HDAC9: variants seen among roughly 807,000 people sequenced by gnomAD.
The protein encoded by HDAC9 is histone deacetylase 9, also known as MEF-2 interacting transcription repressor (MITR) protein.
HDAC9 carries 41 observed loss-of-function variants against 139.4 expected under a neutral mutation model. The ratio of observed to expected loss-of-function variants is 0.29; its 90% CI spans 0.23 to 0.38. The LOEUF is 0.38. Among genes scored for constraint, HDAC9 ranks in the 10% least tolerant of loss-of-function variants. The pLI, the probability that HDAC9 is intolerant of heterozygous loss-of-function variation, is 1.00. For synonymous variants in HDAC9, 517 were observed against 476.2 expected, an observed-to-expected ratio of 1.09 and a Z score of -1.12; for missense variants, 1,147 against 1,297.0, an observed-to-expected ratio of 0.88 and a Z score of 1.78.
intron 15 of HDAC9, among the ~76,000 whole-genome samples, chr7:18,765,845 AT>A (rs1165277315): frequency 6.6e-6 from 1 of 152,130 alleles, no homozygotes; most frequent in African/African-American, 2.4e-5. Flanking sequence ...CAGTTTTAAT[AT>A]TATTTTATGA....
chr7:18,613,795 A>G (rs1384526983), intron 6 of HDAC9, among the ~76,000 whole-genome samples: 6 of 152,036 alleles, frequency 3.9e-5, no homozygotes, highest in Non-Finnish European at 8.8e-5. Context: ...GGGACTCCCA[A>G]ATCCTGAAAT....
intron 1 of HDAC9, among the ~76,000 whole-genome samples, chr7:18,401,419 C>T (rs1184174798): frequency 6.6e-6 from 1 of 152,108 alleles, no homozygotes; most frequent in South Asian, 2.1e-4. Context: ...GTTGGGGTGG[C>T]CATATTCTGC....
intron 24 of HDAC9, among the ~76,000 whole-genome samples, chr7:18,968,722 G>A (rs1784046967): frequency 6.6e-6 from 1 of 152,066 alleles, no homozygotes; most frequent in Non-Finnish European, 1.5e-5. Context: ...CACTTTGGGA[G>A]GCCGAGGCGG....
At position 18,468,434 on chromosome 7, in the gene HDAC9, A is replaced by AT. The variant is rs957861798; in HGVS notation, c.-41-27816dup. Reference sequence around the variant, plus strand: ...ATAGCTTTAACCATTGGAAGGTGTAATTTTTTTTTTTTAAGAGAGGGGTCC... The same window carrying AT: ...ATAGCTTTAACCATTGGAAGGTGTAATTTTTTTTTTTTTAAGAGAGGGGTCC... On this transcript the variant is annotated intron_variant, in intron 1 of 3. Transcript: ENST00000413509. Among the ~76,000 whole-genome samples the AT allele has an allele frequency of 1.1e-3, 168 of 146,778 alleles. 1 individual carries two copies. In the East Asian group the frequency reaches 0.014, roughly 12 times the overall value.
intron 1 of HDAC9, among the ~76,000 whole-genome samples, chr7:18,467,650 A>C (rs1031102922): frequency 3.3e-5 from 5 of 152,316 alleles, no homozygotes; most frequent in African/African-American, 1.2e-4. Context: ...CCAAGATATT[A>C]CAGTCCCCAT....
At chr7:18,786,469 T>TTC (rs1791736750) in intron 16 of HDAC9, among the ~76,000 whole-genome samples, 1 of 16,236 alleles carries the variant, frequency 6.2e-5, no homozygotes, top group African/African-American at 1.2e-4. Context: ...TTCCTTCCTT[T>TTC]CGTCCTTCCT....
chr7:18,563,481 T>G (rs572041418), intron 2 of HDAC9, among the ~76,000 whole-genome samples: 5 of 152,310 alleles, frequency 3.3e-5, no homozygotes, highest in Non-Finnish European at 7.4e-5. Flanking sequence ...CCATTTTCCA[T>G]CCCCTAATAT....
At chr7:18,535,833 G>T (rs1371592218) in intron 2 of HDAC9, among the ~76,000 whole-genome samples, 2 of 146,328 alleles carry the variant, frequency 1.4e-5, no homozygotes, top group South Asian at 2.2e-4. Flanking sequence ...CAAAACAGAA[G>T]AAAATAAGAG....
chr7:18,152,346 A>G (rs1019854366), intron 1 of HDAC9, among the ~76,000 whole-genome samples: 61 of 152,208 alleles, frequency 4.0e-4, no homozygotes, highest in African/African-American at 1.4e-3. Context: ...AAATACGGCA[A>G]TTGGAATTTG....
intron 12 of HDAC9, among the ~76,000 whole-genome samples, chr7:18,704,986 C>T (rs201638224): frequency 6.6e-5 from 10 of 152,106 alleles, no homozygotes; most frequent in East Asian, 3.9e-4. Flanking sequence ...GCCACACATA[C>T]GATTTTTAAC....
At chr7:18,914,247 C>T (rs1204362163) in intron 22 of HDAC9, among the ~76,000 whole-genome samples, 1 of 151,530 alleles carries the variant, frequency 6.6e-6, no homozygotes, top group Admixed American at 6.6e-5. Flanking sequence ...TTCCCACCCT[C>T]CAGAAATATG....
chr7:18,853,801 G>A (rs976219859), intron 21 of HDAC9, among the ~76,000 whole-genome samples: 6 of 152,082 alleles, frequency 3.9e-5, no homozygotes, highest in Admixed American at 3.9e-4. Flanking sequence ...AAATTTCAAG[G>A]AAATTAAATT....
chr7:18,204,902 T>G (rs897423454), intron 2 of HDAC9, among the ~76,000 whole-genome samples: 2 of 152,080 alleles, frequency 1.3e-5, no homozygotes, highest in Admixed American at 1.3e-4. Context: ...AAAAGTTATA[T>G]TATTTTGTTT....
At chr7:18,360,548 C>G (rs571448065) in intron 1 of HDAC9, among the ~76,000 whole-genome samples, 84 of 152,276 alleles carry the variant, frequency 5.5e-4, no homozygotes, top group African/African-American at 1.9e-3. Flanking sequence ...ATTACCGTTT[C>G]AAGTGCTTTT....
intron 17 of HDAC9, among the ~76,000 whole-genome samples, chr7:18,814,180 C>G (rs182161268): frequency 3.8e-4 from 58 of 152,286 alleles, no homozygotes; most frequent in Non-Finnish European, 5.7e-4. Flanking sequence ...TACCTGACAC[C>G]TACTTTGCAC....
At chr7:18,347,394 G>A (rs1438263696) in intron 1 of HDAC9, among the ~76,000 whole-genome samples, 1 of 151,996 alleles carries the variant, frequency 6.6e-6, no homozygotes. Context: ...AGGGGAGGAT[G>A]TTTTTCATAA....
At chr7:18,520,119 AGT>A (rs1220615009) in intron 2 of HDAC9, among the ~76,000 whole-genome samples, 3 of 152,088 alleles carry the variant, frequency 2.0e-5, no homozygotes, top group African/African-American at 4.8e-5. Flanking sequence ...AGTTCAATAA[AGT>A]GTTTTTATAT....
At chr7:18,644,038 C>T (rs577857799) in intron 8 of HDAC9, among the ~76,000 whole-genome samples, 3 of 152,076 alleles carry the variant, frequency 2.0e-5, no homozygotes, top group Non-Finnish European at 2.9e-5. Context: ...GATGCCAAAA[C>T]GTTCAGGGTA....
intron 5 of HDAC9, 70 bp downstream of exon 5, chr7:18,591,712 G>A: frequency 6.4e-7 from 1 of 1,565,654 alleles, no homozygotes; most frequent in Non-Finnish European, 8.7e-7. Context: ...GCCGACCTGG[G>A]TACACATCCT....
Sources: gnomAD v4.1 joint callset for allele counts (sites outside exome capture counted in the v4.1 genomes callset) on GRCh38, gnomAD v4.1.1 for gene constraint, MANE v1.5 for transcripts, NCBI Gene and HGNC (gene_info 2026-07-23, HGNC 2026-07-21) for gene names.